SLC44A5: variants seen among roughly 807,000 people sequenced by gnomAD.
SLC44A5 encodes the protein solute carrier family 44 member 5, also known as choline transporter-like protein 5.
A neutral mutation model predicts 101.8 loss-of-function variants in SLC44A5; 57 were observed. The ratio of observed to expected loss-of-function variants is 0.56; its 90% CI spans 0.45 to 0.70. SLC44A5 has a LOEUF of 0.70. Ranked by LOEUF, SLC44A5 falls within the 30% of genes least tolerant of loss-of-function variation. The pLI, the probability that SLC44A5 is intolerant of heterozygous loss-of-function variation, is 0.00. For synonymous variants in SLC44A5, 281 were observed against 290.9 expected (o/e 0.97, Z 0.35); for missense variants, 737 against 853.1 (o/e 0.86, Z 1.70).
the SLC44A5 span, among the ~76,000 whole-genome samples, chr1:75,653,887 G>T: frequency 6.6e-6 from 1 of 152,146 alleles, no homozygotes; most frequent in African/African-American, 2.4e-5. Flanking sequence ...TGGAACAAAT[G>T]TTACAAAAAT....
At chr1:75,376,191 C>T (rs1487191085) in intron 3 of SLC44A5, among the ~76,000 whole-genome samples, 15 of 152,344 alleles carry the variant, frequency 9.8e-5, no homozygotes, top group African/African-American at 3.6e-4. Context: ...GTCCTACGCC[C>T]ATGGAGTCTC....
Position 75,578,535 on chromosome 1 carries a change from T to C in SLC44A5, c.-70+32505A>G, listed in dbSNP as rs762135790. On this transcript the variant is annotated intron_variant, in intron 1 of 23. Coordinates refer to ENST00000370859, the MANE Select transcript of SLC44A5 (RefSeq NM_001130058.2). ...TGTGCTAAGTGAAGTAAGCCCAGCA[T>C]AGAAAAACAAATATTGTGACCTCAT... Among the ~76,000 whole-genome samples the C allele has an allele frequency of 3.2e-4, 49 of 152,098 alleles. 1 individual carries two copies. The highest frequency in any genetic ancestry group is 2.4e-4 in the Non-Finnish European group (16 of 68,012).
intron 2 of SLC44A5, among the ~76,000 whole-genome samples, chr1:75,459,169 C>T (rs796589681): frequency 7.9e-5 from 12 of 152,268 alleles, no homozygotes; most frequent in African/African-American, 1.9e-4. Flanking sequence ...GTCACAAGGA[C>T]GTCTGCTCTA....
At chr1:75,458,830 T>C (rs549322497) in intron 2 of SLC44A5, among the ~76,000 whole-genome samples, 51 of 152,294 alleles carry the variant, frequency 3.3e-4, no homozygotes, top group African/African-American at 1.2e-3. Flanking sequence ...TCACAAAGTG[T>C]GCACTTAATA....
intron 13 of SLC44A5, among the ~76,000 whole-genome samples, chr1:75,227,406 G>GA (rs888926323): frequency 1.4e-4 from 22 of 152,054 alleles, no homozygotes; most frequent in African/African-American, 5.1e-4. Context: ...TAAAAAGTTT[G>GA]AAAAATCAAG....
the SLC44A5 span, among the ~76,000 whole-genome samples, chr1:75,700,894 C>T: frequency 6.6e-6 from 1 of 152,170 alleles, no homozygotes; most frequent in Non-Finnish European, 1.5e-5. Context: ...TGCAAATAAA[C>T]TGGAAAATCT....
intron 3 of SLC44A5, among the ~76,000 whole-genome samples, chr1:75,340,522 C>T (rs1440961518): frequency 2.6e-5 from 4 of 152,236 alleles, no homozygotes; most frequent in African/African-American, 9.6e-5. Context: ...TTCTCTAGCA[C>T]ACTGTCTGCT....
At chr1:75,558,350 A>G (rs974500228) in intron 1 of SLC44A5, among the ~76,000 whole-genome samples, 1 of 152,116 alleles carries the variant, frequency 6.6e-6, no homozygotes, top group Non-Finnish European at 1.5e-5. Flanking sequence ...TGTGTTGGTT[A>G]TGGAGACGTG....
chr1:75,287,426 C>CTTTTTTTT lies in SLC44A5; in HGVS notation c.176-12392_176-12385dup, dbSNP rs371647505. ...AGCTTAATAATTGACCTTCTGAATT[C>CTTTTTTTT]TTTTTTTTTTTTTTTTTTTTTTTGG... On this transcript the variant is annotated intron_variant, in intron 5 of 23. Transcript: ENST00000370859. Among the ~76,000 whole-genome samples, 54 of 69,888 alleles carry CTTTTTTTT rather than the reference C, an allele frequency of 7.7e-4. 1 individual carries two copies. Among genetic ancestry groups the CTTTTTTTT allele is most frequent in the South Asian group, 1.2e-3 (2 of 1,636 alleles). The allele number at this position is 69,888 out of a possible 152,430, so 45.8% of individuals were successfully genotyped here.
chr1:75,667,249 C>A, the SLC44A5 span, among the ~76,000 whole-genome samples: 3 of 152,140 alleles, frequency 2.0e-5, no homozygotes, highest in Non-Finnish European at 4.4e-5. Context: ...GATACAAAAT[C>A]AATGCGTGAA....
chr1:75,636,198 C>T, the SLC44A5 span, among the ~76,000 whole-genome samples: 4 of 151,936 alleles, frequency 2.6e-5, no homozygotes, highest in Non-Finnish European at 1.5e-5. Context: ...GCTTGTGAAA[C>T]TTAACTTTTC....
chr1:75,400,438 T>C (rs1226072159), intron 2 of SLC44A5, among the ~76,000 whole-genome samples: 1 of 152,220 alleles, frequency 6.6e-6, no homozygotes, highest in Admixed American at 6.5e-5. Flanking sequence ...GCCTATTTTT[T>C]AGTACTCAGA....
intron 12 of SLC44A5, among the ~76,000 whole-genome samples, chr1:75,232,700 T>G (rs1647693344): frequency 6.6e-6 from 1 of 152,164 alleles, no homozygotes. Flanking sequence ...CAGGTACTGC[T>G]CTAAGAGCTT....
intron 2 of SLC44A5, among the ~76,000 whole-genome samples, chr1:75,448,714 C>G (rs566966821): frequency 9.7e-4 from 148 of 152,302 alleles, no homozygotes; most frequent in Admixed American, 1.6e-3. Flanking sequence ...TGACTAGTCT[C>G]CCTACCTTTA....
At chr1:75,604,757 G>T (rs1206081044) in intron 1 of SLC44A5, among the ~76,000 whole-genome samples, 1 of 35,832 alleles carries the variant, frequency 2.8e-5, no homozygotes, top group Non-Finnish European at 1.0e-4. Flanking sequence ...AAACCAAGGG[G>T]TGTGTGTGTA....
chr1:75,708,717 A>G, the SLC44A5 span, among the ~76,000 whole-genome samples: 2 of 152,176 alleles, frequency 1.3e-5, no homozygotes, highest in Admixed American at 1.3e-4. Flanking sequence ...ATATAAAATT[A>G]TACATATAAT....
At chr1:75,556,577 A>T (rs1264373291) in intron 1 of SLC44A5, among the ~76,000 whole-genome samples, 1 of 152,150 alleles carries the variant, frequency 6.6e-6, no homozygotes, top group Non-Finnish European at 1.5e-5. Flanking sequence ...AGGTACTATT[A>T]ACATTTTCAA....
In SLC44A5 at chr1:75,417,708, T is replaced by C. The variant is rs114062619; in HGVS notation, c.14-21087A>G. Reference sequence around the variant, plus strand: ...AGAGGAATCATCAGGATTAAAAACATACGTTTGAAAGACAATCTACAGGCA... The same window carrying C: ...AGAGGAATCATCAGGATTAAAAACACACGTTTGAAAGACAATCTACAGGCA... On this transcript the variant is annotated intron_variant, in intron 2 of 23. Coordinates refer to ENST00000370859, the MANE Select transcript of SLC44A5 (RefSeq NM_001130058.2). 4.5e-3 allele frequency among the ~76,000 whole-genome samples: 678 copies of C among 152,294 alleles called. 6 individuals carry two copies. The highest frequency in any genetic ancestry group is 0.016 in the African/African-American group (658 of 41,572).
intron 3 of SLC44A5, among the ~76,000 whole-genome samples, chr1:75,390,653 C>A (rs2101352096): frequency 6.6e-6 from 1 of 152,016 alleles, no homozygotes; most frequent in East Asian, 1.9e-4. Context: ...TTTTAAAAAT[C>A]TTCAAATGTC....
Sources: gnomAD v4.1 joint callset for allele counts (sites outside exome capture counted in the v4.1 genomes callset) on GRCh38, gnomAD v4.1.1 for gene constraint, MANE v1.5 for transcripts, NCBI Gene and HGNC (gene_info 2026-07-23, HGNC 2026-07-21) for gene names.